Variants in TCF20 observed in about 807,000 individuals in gnomAD.
The protein encoded by TCF20 is transcription factor 20.
A neutral mutation model predicts 148.6 loss-of-function variants in TCF20; 3 were observed. The observed-to-expected ratio is 0.02, with a 90% CI of 0.01 to 0.05. The LOEUF (loss-of-function observed/expected upper bound fraction) is 0.05. TCF20 is among the 10% of genes least tolerant of loss of function. The pLI, the probability that TCF20 is intolerant of heterozygous loss-of-function variation, is 1.00. For missense variants in TCF20, 2,350 were observed against 2,429.3 expected (o/e 0.97, Z 0.69); for synonymous variants, 1,049 against 909.5 (o/e 1.15, Z -2.76).
At chr22:42,200,136 A>G (rs956352008) in intron 2 of TCF20, among the ~76,000 whole-genome samples, 3 of 152,210 alleles carry the variant, frequency 2.0e-5, no homozygotes, top group Non-Finnish European at 4.4e-5. Context: ...CTAAACATGT[A>G]TATTAGGCTG....
rs141941512 is a variant in TCF20, at chr22:42,313,089, T to C, written c.-37+30390A>G. Among the ~76,000 whole-genome samples, 687 of 152,260 alleles carry C rather than the reference T, an allele frequency of 4.5e-3. 9 individuals are homozygous for C. Among genetic ancestry groups the C allele is most frequent in the Non-Finnish European group, 8.7e-3 (594 of 67,990 alleles). Reference sequence around the variant, plus strand: ...TGGACCCTGGACAAGCCTCCGGACTTTTCTGGGCCTCACCTTCCCCACCTG... The same window carrying C: ...TGGACCCTGGACAAGCCTCCGGACTCTTCTGGGCCTCACCTTCCCCACCTG... On this transcript the variant is annotated intron_variant, in intron 1 of 1. Transcript: ENST00000515426.
intron 1 of TCF20, among the ~76,000 whole-genome samples, chr22:42,326,470 C>T (rs1365695265): frequency 6.6e-6 from 1 of 152,232 alleles, no homozygotes; most frequent in Non-Finnish European, 1.5e-5. Context: ...TGCTATGCTG[C>T]CAGCAGCACC....
Position 42,161,146 on chromosome 22 carries a change from A to G in TCF20, c.*257T>C. 9.4e-6 allele frequency: 2 copies of G among 211,906 alleles called. No individual in the cohort carries two copies. Among genetic ancestry groups the G allele is most frequent in the Admixed American group, 5.4e-5 (1 of 18,454 alleles). 13.1% of individuals were successfully genotyped at this position (211,906 alleles called of 1,614,324 possible). The stretch of plus-strand genomic sequence containing the variant: ...CCCTCCCCCCACATTGTCACTATGG[A>G]GATTGTGTCCATGGAAACAGCCATT... On this transcript the variant is annotated 3_prime_UTR_variant, in exon 6 of 6. Transcript: ENST00000677622.
chr22:42,209,399 A>C (rs1207224881), intron 2 of TCF20, among the ~76,000 whole-genome samples: 1 of 152,258 alleles, frequency 6.6e-6, no homozygotes, highest in Non-Finnish European at 1.5e-5. Flanking sequence ...TGTGCGTTAG[A>C]AAAGATGTGG....
At chr22:42,256,646 A>G (rs1925761613) in intron 1 of TCF20, among the ~76,000 whole-genome samples, 1 of 152,202 alleles carries the variant, frequency 6.6e-6, no homozygotes, top group African/African-American at 2.4e-5. Context: ...CACATCTACT[A>G]GAAAAACAAA....
intron 1 of TCF20, among the ~76,000 whole-genome samples, chr22:42,267,774 G>T (rs187532535): frequency 6.6e-6 from 1 of 152,146 alleles, no homozygotes; most frequent in African/African-American, 2.4e-5. Context: ...CTACCAAACT[G>T]TCTCCGAAGT....
intron 2 of TCF20, among the ~76,000 whole-genome samples, chr22:42,182,757 G>C (rs188848667): frequency 1.0e-3 from 157 of 152,308 alleles, no homozygotes; most frequent in African/African-American, 3.7e-3. Context: ...TTATTTTTGA[G>C]ACAGAGTCTC....
intron 1 of TCF20, among the ~76,000 whole-genome samples, chr22:42,267,255 G>A (rs994198323): frequency 1.4e-4 from 21 of 152,192 alleles, no homozygotes; most frequent in African/African-American, 4.6e-4. Context: ...CAACAAGAGC[G>A]AGACTCCATC....
At chr22:42,320,606 T>C (rs1927715022) in intron 1 of TCF20, among the ~76,000 whole-genome samples, 1 of 152,210 alleles carries the variant, frequency 6.6e-6, no homozygotes, top group Non-Finnish European at 1.5e-5. Context: ...CAAAGTCAGT[T>C]GCATTCCTGC....
At chr22:42,259,794 A>G (rs555334670) in intron 1 of TCF20, among the ~76,000 whole-genome samples, 4 of 152,284 alleles carry the variant, frequency 2.6e-5, no homozygotes, top group Admixed American at 1.3e-4. Flanking sequence ...ATAGCAGTGA[A>G]GGAGGCATGC....
At position 42,196,482 on chromosome 22, in the gene TCF20, C is replaced by A. The variant is rs140767582; in HGVS notation, c.5655+13169G>T. Reference sequence around the variant, plus strand: ...ATAAAGAACCCTACCTAGAAACAAGCAAACAGAATAATTTGGGAACTGTCC... The same window carrying A: ...ATAAAGAACCCTACCTAGAAACAAGAAAACAGAATAATTTGGGAACTGTCC... On this transcript the variant is annotated intron_variant, in intron 2 of 5. Coordinates refer to ENST00000677622, the MANE Select transcript of TCF20 (RefSeq NM_001378418.1). Among the ~76,000 whole-genome samples, 3 of 152,248 alleles carry A rather than the reference C, an allele frequency of 2.0e-5. No individual in the cohort carries two copies. The East Asian group carries it at 5.8e-4, about 29-fold the overall frequency.
At chr22:42,217,026 A>T (rs1487162804) in intron 1 of TCF20, among the ~76,000 whole-genome samples, 1 of 152,244 alleles carries the variant, frequency 6.6e-6, no homozygotes, top group Non-Finnish European at 1.5e-5. Context: ...TTATGAAGCT[A>T]GTTTCCTAGT....
At position 42,211,972 on chromosome 22, in the gene TCF20, C is replaced by T. The variant is rs1285617056; in HGVS notation, c.3334G>A (p.Ala1112Thr). 8 of 1,614,222 alleles carry T rather than the reference C, an allele frequency of 5.0e-6. No individual in the cohort carries two copies. Among genetic ancestry groups the T allele is most frequent in the Non-Finnish European group, 6.8e-6 (8 of 1,180,036 alleles). ...CGTGGCCCCTCCTGCCTGTGCTGTGCTGCAGCAATTACTCCCTGAGCAGAA... is the reference window on the plus strand; with the variant it reads ...CGTGGCCCCTCCTGCCTGTGCTGTGTTGCAGCAATTACTCCCTGAGCAGAA... Reference protein sequence around the residue: ...SGSAQGVIAAAQHRQEGPRKS... With the variant: ...SGSAQGVIAATQHRQEGPRKS... The change falls in exon 2 of 6, where the codon GCA (alanine) becomes ACA (threonine). Residue 1112 changes from alanine to threonine, a missense_variant. By Grantham distance (58) the Ala-to-Thr change is moderately conservative (BLOSUM62 0). Around this residue, in one of 7 missense-constraint regions of TCF20, gnomAD observed 1,641 missense variants for 1,662.6 expected, o/e 0.99. Coordinates refer to ENST00000677622, the MANE Select transcript of TCF20 (RefSeq NM_001378418.1).
intron 5 of TCF20, among the ~76,000 whole-genome samples, chr22:42,165,618 C>T (rs555939795): frequency 6.4e-4 from 98 of 152,208 alleles, no homozygotes; most frequent in Non-Finnish European, 1.2e-3. Context: ...GAGGCAGGGG[C>T]GGCATCTTTT....
Position 42,254,959 on chromosome 22 carries a change from C to CAAAAAAAAA in TCF20, c.-37+15371_-37+15379dup, listed in dbSNP as rs10625678. ...TGGGTGACACAGCAAGACTCCGTCT[C>CAAAAAAAAA]AAAAAAAAAAAAAAAAAAAAGGTAG... On this transcript the variant is annotated intron_variant, in intron 1 of 5. Transcript: ENST00000677622. Among the ~76,000 whole-genome samples the CAAAAAAAAA allele has an allele frequency of 2.0e-3, 128 of 62,762 alleles. 3 individuals carry two copies. The highest frequency in any genetic ancestry group is 0.011 in the Middle Eastern group (1 of 94). The allele number at this position is 62,762 out of a possible 152,430, so 41.2% of individuals were successfully genotyped here. A position where few individuals can be genotyped will look rare whatever the true frequency, so the allele number is the denominator to read the frequency against.
chr22:42,180,531 C>T (rs1457343497), intron 2 of TCF20, among the ~76,000 whole-genome samples: 2 of 152,196 alleles, frequency 1.3e-5, no homozygotes, highest in African/African-American at 4.8e-5. Context: ...ACTAAGGATG[C>T]TGGCTCTTCA....
chr22:42,254,617 T>C (rs556280773), intron 1 of TCF20, among the ~76,000 whole-genome samples: 39 of 152,214 alleles, frequency 2.6e-4, no homozygotes, highest in South Asian at 4.1e-4. Context: ...TCTCAGACTG[T>C]GGCTCTTAAG....
intron 1 of TCF20, among the ~76,000 whole-genome samples, chr22:42,235,511 T>C (rs1161571403): frequency 3.9e-5 from 6 of 152,188 alleles, no homozygotes; most frequent in Non-Finnish European, 7.3e-5. Context: ...GAAAAACATG[T>C]TTAGAAAATC....
intron 1 of TCF20, among the ~76,000 whole-genome samples, chr22:42,238,098 G>T (rs1165302009): frequency 6.6e-6 from 1 of 152,162 alleles, no homozygotes; most frequent in African/African-American, 2.4e-5. Context: ...CTGACATAAG[G>T]CTACACTGAA....
Sources: gnomAD v4.1 joint callset for allele counts (sites outside exome capture counted in the v4.1 genomes callset) on GRCh38, gnomAD v4.1.1 for gene constraint, gnomAD v4.1.1 regional missense constraint, MANE v1.5 for transcripts, NCBI Gene and HGNC (gene_info 2026-07-23, HGNC 2026-07-21) for gene names.